The following SLC22A25 variants were observed in gnomAD, a reference collection of about 807,000 sequenced individuals.
The protein encoded by SLC22A25 is solute carrier family 22 member 25, also known as MGI:2442751, MGI:2385316, MGI:3042283, MGI:3645714, MGI:3605624, MGI:2442750.
A neutral mutation model predicts 45.9 loss-of-function variants in SLC22A25; 44 were observed. That is an observed-to-expected ratio of 0.96 (90% CI 0.75 to 1.23). The LOEUF is 1.23. Among genes scored for constraint, SLC22A25 ranks in the 50% most tolerant of loss-of-function variants. SLC22A25 has a pLI of 0.00. For synonymous variants in SLC22A25, 283 were observed against 238.6 expected (o/e 1.19, Z -1.72); for missense variants, 800 against 666.4 (o/e 1.20, Z -2.21).
Position 63,163,776 on chromosome 11 carries a change from T to C in SLC22A25, c.*48A>G, listed in dbSNP as rs755824721. On this transcript the variant is annotated 3_prime_UTR_variant, in exon 12 of 12. Transcript: ENST00000306494. The stretch of plus-strand genomic sequence containing the variant: ...GGGAATAGCCCAGATCTAAGCCTTT[T>C]TGGGGGATGGTAGCCCTAAATGGTG... The C allele has an allele frequency of 6.4e-6, 10 of 1,562,666 alleles. No homozygotes were observed. In the Admixed American group the frequency reaches 7.6e-5, roughly 12 times the overall value.
At chr11:63,204,390 C>T (rs1313485645) in intron 7 of SLC22A25, among the ~76,000 whole-genome samples, 3 of 152,216 alleles carry the variant, frequency 2.0e-5, no homozygotes. Context: ...CAAGACCCAT[C>T]TGTGTGCTGT....
At chr11:63,187,285 G>A (rs532740203) in intron 7 of SLC22A25, among the ~76,000 whole-genome samples, 173 of 152,210 alleles carry the variant, frequency 1.1e-3, no homozygotes, top group African/African-American at 4.0e-3. Flanking sequence ...GGATTCCTAG[G>A]TATTTTATTC....
intron 7 of SLC22A25, among the ~76,000 whole-genome samples, chr11:63,190,954 C>A (rs1379719188): frequency 6.6e-6 from 1 of 152,182 alleles, no homozygotes; most frequent in African/African-American, 2.4e-5. Flanking sequence ...TCAGTCTGCC[C>A]CTACTGGGGG....
rs143659225 is a variant in SLC22A25 at position 63,158,527 on chromosome 11, G to T, written c.*5297C>A. ...GTATGAGATGTTCTGATATAGGTAT[G>T]CAATGTGTAATTATCTTGTCATGGA... On this transcript the variant is annotated 3_prime_UTR_variant, in exon 12 of 12. Coordinates refer to ENST00000306494, the MANE Select transcript of SLC22A25 (RefSeq NM_199352.6). 1.4e-4 allele frequency among the ~76,000 whole-genome samples: 22 copies of T among 152,246 alleles called. No homozygotes were observed. The East Asian group carries it at 4.0e-3, about 28-fold the overall frequency.
Position 63,166,058 on chromosome 11 carries a change from A to ATG in SLC22A25, c.1269_1270dup (p.Ile424ThrfsTer37). ...ACTTTTCTCACCTTGAGGCACAAAT[A>ATG]TGATGGCCAGAAGGCAGGTTGCCAG... is the stretch of plus-strand genomic sequence containing the variant. On this transcript the variant is annotated frameshift_variant, in exon 10 of 12. Transcript: ENST00000306494. LOFTEE classifies it high-confidence loss of function. The ATG allele has an allele frequency of 1.2e-6, 2 of 1,613,862 alleles. No individual in the cohort carries two copies. The highest frequency in any genetic ancestry group is 8.5e-7 in the Non-Finnish European group (1 of 1,179,858).
chr11:63,223,543 A>G (rs1435173971), intron 5 of SLC22A25, among the ~76,000 whole-genome samples: 1 of 151,810 alleles, frequency 6.6e-6, no homozygotes, highest in Non-Finnish European at 1.5e-5. Context: ...AAGGTTTGCC[A>G]ATTTTGTTTA....
At chr11:63,196,555 GC>G (rs1199568993) in intron 7 of SLC22A25, among the ~76,000 whole-genome samples, 6 of 152,146 alleles carry the variant, frequency 3.9e-5, no homozygotes, top group Non-Finnish European at 7.4e-5. Context: ...AAATTCAACA[GC>G]CCTTCATGCT....
chr11:63,187,253 T>C, intron 7 of SLC22A25, among the ~76,000 whole-genome samples: 1 of 152,172 alleles, frequency 6.6e-6, no homozygotes, highest in Non-Finnish European at 1.5e-5. Flanking sequence ...CTTGAAGAGG[T>C]CCTTCAGATC....
intron 7 of SLC22A25, among the ~76,000 whole-genome samples, chr11:63,185,374 G>A (rs1372922051): frequency 6.6e-6 from 1 of 151,740 alleles, no homozygotes; most frequent in Admixed American, 6.6e-5. Context: ...ACCTATGAGT[G>A]AGAACATGTG....
intron 8 of SLC22A25, among the ~76,000 whole-genome samples, chr11:63,181,009 T>C (rs1161796468): frequency 1.3e-5 from 2 of 152,134 alleles, no homozygotes; most frequent in African/African-American, 2.4e-5. Context: ...AGAGATTTAA[T>C]TGGCTGCAGA....
intron 9 of SLC22A25, among the ~76,000 whole-genome samples, chr11:63,179,346 A>G (rs2155316): frequency 0.46 from 70,535 of 151,846 alleles, 18,014 homozygotes; most frequent in Non-Finnish European, 0.57. Context: ...TGTTCTTTGT[A>G]GCTTTGCATT....
intron 3 of SLC22A25, among the ~76,000 whole-genome samples, chr11:63,236,666 G>T (rs1347033502): frequency 1.3e-5 from 2 of 151,994 alleles, no homozygotes; most frequent in South Asian, 4.2e-4. Context: ...CCACTGTCCC[G>T]CACCCACTGT....
intron 7 of SLC22A25, among the ~76,000 whole-genome samples, chr11:63,187,581 G>T (rs2088611351): frequency 6.6e-6 from 1 of 152,170 alleles, no homozygotes; most frequent in Non-Finnish European, 1.5e-5. Flanking sequence ...CCAACACTAT[G>T]TTGAATAGGA....
intron 9 of SLC22A25, among the ~76,000 whole-genome samples, chr11:63,174,221 G>A (rs2088002366): frequency 2.0e-5 from 3 of 151,924 alleles, no homozygotes; most frequent in Admixed American, 2.0e-4. Context: ...TCCCTGCAAA[G>A]GACATGAACT....
At chr11:63,220,070 T>A (rs2089817950) in intron 5 of SLC22A25, 1 of 1,171,304 alleles carries the variant, frequency 8.5e-7, no homozygotes, top group Non-Finnish European at 1.1e-6. Context: ...CCCAAACTTC[T>A]CATGTCACAG....
At chr11:63,176,590 C>T (rs1191624286) in intron 9 of SLC22A25, among the ~76,000 whole-genome samples, 1 of 151,908 alleles carries the variant, frequency 6.6e-6, no homozygotes, top group African/African-American at 2.4e-5. Flanking sequence ...TTTATTAGCT[C>T]TAAAATTTTT....
At position 63,165,912 on chromosome 11, in the gene SLC22A25, C is replaced by G. The variant is rs1055514465; in HGVS notation, c.1285+132G>C. 101 of 1,184,300 alleles carry G rather than the reference C, an allele frequency of 8.5e-5. 1 individual carries two copies. Among genetic ancestry groups the G allele is most frequent in the Non-Finnish European group, 1.1e-4 (93 of 859,982 alleles). 73.4% of individuals were successfully genotyped at this position (1,184,300 alleles called of 1,614,324 possible). ...GTGTGGCAAAATCTGTCCTAAAGCC[C>G]CAGATTTCTATCAGGGAATCCTGAG... On this transcript the variant is annotated intron_variant, in intron 10 of 11. Transcript: ENST00000306494.
chr11:63,180,709 G>A lies in SLC22A25; in HGVS notation c.1021C>T (p.Leu341Phe). 6.2e-7 allele frequency: 1 copy of A among 1,613,180 alleles called. No individual in the cohort carries two copies. The highest frequency in any genetic ancestry group is 1.3e-5 in the African/African-American group (1 of 74,972). Reference protein sequence around the residue: ...AQKKHSLCELLRIPNICKRIC... With the variant: ...AQKKHSLCELFRIPNICKRIC... ...CTTTTACATATGTTGGGTATGCGGA[G>A]CAATTCACAAAGAGAATGCTTTTTC... The change falls in exon 9 of 12, where the codon CTC (leucine) becomes TTC (phenylalanine). Residue 341 changes from leucine to phenylalanine, a missense_variant. Transcript: ENST00000306494.
chr11:63,242,509 A>C (rs985239449), intron 1 of SLC22A25, among the ~76,000 whole-genome samples: 2 of 152,140 alleles, frequency 1.3e-5, no homozygotes, highest in Admixed American at 6.6e-5. Flanking sequence ...ATGCCTTTTT[A>C]GGTCTGACAT....
Sources: allele counts gnomAD v4.1 joint callset (sites outside exome capture counted in the v4.1 genomes callset), GRCh38; gene constraint gnomAD v4.1.1; transcripts MANE v1.5; gene names NCBI Gene and HGNC (gene_info 2026-07-23, HGNC 2026-07-21).